The following ITGB4 variants were observed in gnomAD, a reference collection of about 807,000 sequenced individuals.
The protein encoded by ITGB4 is integrin beta-4.
In ITGB4, 159 loss-of-function variants were observed where a neutral mutation model predicts 207.6. The observed-to-expected ratio is 0.77, with a 90% CI of 0.67 to 0.87. ITGB4 has a LOEUF of 0.87. ITGB4 is among the 40% of genes least tolerant of loss of function. ITGB4 has a pLI of 0.00. For missense variants in ITGB4, 2,278 were observed against 2,546.8 expected, an observed-to-expected ratio of 0.89 and a Z score of 2.27; for synonymous variants, 1,020 against 1,062.7, an observed-to-expected ratio of 0.96 and a Z score of 0.78.
rs775621931 is a variant in ITGB4, at chr17:75,749,063, G to GA, written c.3316+18_3316+19insA. The GA allele has an allele frequency of 6.3e-7, 1 of 1,599,254 alleles. No individual in the cohort carries two copies. Among genetic ancestry groups the GA allele is most frequent in the South Asian group, 1.1e-5 (1 of 90,474 alleles). On this transcript the variant is annotated intron_variant, in intron 27 of 39. Coordinates refer to ENST00000200181, the MANE Select transcript of ITGB4 (RefSeq NM_000213.5). The stretch of plus-strand genomic sequence containing the variant: ...GGACCCAGGTAGGCAGAGCCTGGGG[G>GA]TCGGCTTAAGCAGGAGGAGAGGGAA...
intron 1 of ITGB4, among the ~76,000 whole-genome samples, chr17:75,724,120 C>T (rs1284778569): frequency 6.6e-6 from 1 of 152,226 alleles, no homozygotes. Flanking sequence ...AGACCCCACC[C>T]TGATGGGCCG....
chr17:75,750,827 A>G lies in ITGB4; in HGVS notation c.3622A>G (p.Ser1208Gly). 6.2e-7 allele frequency: 1 copy of G among 1,613,382 alleles called. No homozygotes were observed. Among genetic ancestry groups the G allele is most frequent in the Non-Finnish European group, 8.5e-7 (1 of 1,180,010 alleles). Reference sequence around the variant, plus strand: ...CGGGGCTCAGGGCGAGGGACCCTACAGCTCCCTGGTGTCCTGCCGCACCCA... The same window carrying G: ...CGGGGCTCAGGGCGAGGGACCCTACGGCTCCCTGGTGTCCTGCCGCACCCA... ...AYGAQGEGPY[S>G]SLVSCRTHQE... Residue 1208 changes from serine (S) to glycine (G), a missense_variant, in exon 29 of 40, where the codon AGC becomes GGC. Transcript: ENST00000200181. This position sits in a 1 kb window ranked among gnomAD's most constrained non-coding sequence, Gnocchi z 5.5.
chr17:75,733,728 G>A (rs757569058), intron 13 of ITGB4, 36 bp downstream of exon 13: 1 of 1,597,438 alleles, frequency 6.3e-7, no homozygotes, highest in Non-Finnish European at 8.6e-7. Context: ...CTGATGGCGG[G>A]GTAGGGAGTG....
chr17:75,755,181 C>T (rs2061467786), intron 34 of ITGB4: 1 of 1,606,890 alleles, frequency 6.2e-7, no homozygotes, highest in Non-Finnish European at 8.5e-7. Flanking sequence ...ATAATCCTGG[C>T]TGGGAGGCCA....
Position 75,752,515 on chromosome 17 carries a change from AC to A in ITGB4, c.4047del (p.Tyr1349Ter). 1 of 1,613,712 alleles carries A rather than the reference AC, an allele frequency of 6.2e-7. No homozygotes were observed. The highest frequency in any genetic ancestry group is 1.1e-5 in the South Asian group (1 of 91,088). ...SGEDYDSFLM[Y>X]SDDVLRSPSG... ...GAGGACTACGACAGCTTCCTTATGT[AC>A]AGCGATGACGTTCTACGCTCTCCAT... On this transcript the variant is annotated frameshift_variant, in exon 32 of 40. Coordinates refer to ENST00000200181, the MANE Select transcript of ITGB4 (RefSeq NM_000213.5). LOFTEE classifies it high-confidence loss of function.
At position 75,757,401 on chromosome 17, in the gene ITGB4, C is replaced by T. The variant is rs1388714177; in HGVS notation, c.5330-15C>T. 1 of 1,613,080 alleles carries T rather than the reference C, an allele frequency of 6.2e-7. No homozygotes were observed. Among genetic ancestry groups the T allele is most frequent in the Non-Finnish European group, 8.5e-7 (1 of 1,179,962 alleles). ...AGACCCCAAGCCAGGTCATCTAATG[C>T]CTCCTCCTCCACAGATGGGCTGACC... is the stretch of plus-strand genomic sequence containing the variant. On this transcript the variant is annotated splice_polypyrimidine_tract_variant and intron_variant, in intron 39 of 39. Transcript: ENST00000200181.
Position 75,750,158 on chromosome 17 carries a change from C to T in ITGB4, c.3364C>T (p.Pro1122Ser), listed in dbSNP as rs752089116. The change falls in exon 28 of 40, where the codon CCC becomes TCC. Residue 1122 changes from proline to serine, a missense_variant. By Grantham distance (74) the Pro-to-Ser change is moderately conservative (BLOSUM62 -1). Coordinates refer to ENST00000200181, the MANE Select transcript of ITGB4 (RefSeq NM_000213.5). The surrounding 1 kb of genome is among the most constrained non-coding windows in gnomAD (Gnocchi z 5.5). ...GAGTCAGATGTTGTCATCACAGCCA[C>T]CCCCTCACGGCGACCTGGGCGCCCC... ...FTSQMLSSQP[P>S]PHGDLGAPQN... 30 of 1,613,714 alleles carry T rather than the reference C, an allele frequency of 1.9e-5. No individual in the cohort carries two copies. The highest frequency in any genetic ancestry group is 2.5e-5 in the Non-Finnish European group (29 of 1,180,014).
chr17:75,741,158 G>A (rs2061101530), intron 23 of ITGB4, 153 bp downstream of exon 23: 1 of 864,220 alleles, frequency 1.2e-6, no homozygotes. Context: ...TCGTTCCTTT[G>A]ACCATTTCTT....
intron 37 of ITGB4, 42 bp downstream of exon 37, chr17:75,756,901 A>G: frequency 1.2e-6 from 2 of 1,612,070 alleles, no homozygotes. Context: ...GGGGAGGGGT[A>G]AAGAGGGGGC....
rs1267467607 is a variant in ITGB4 at position 75,757,783 on chromosome 17, T to C, written c.*228T>C. 1 of 681,354 alleles carries C rather than the reference T, an allele frequency of 1.5e-6. No individual in the cohort carries two copies. Among genetic ancestry groups the C allele is most frequent in the African/African-American group, 1.8e-5 (1 of 55,982 alleles). The allele number at this position is 681,354 out of a possible 1,614,324, so 42.2% of individuals were successfully genotyped here. ...TGGGAGCAGCACAAGGACCCAGCCT[T>C]TGTTCTGCACTTAATAAATGGTTTT... On this transcript the variant is annotated 3_prime_UTR_variant, in exon 40 of 40. Coordinates refer to ENST00000200181, the MANE Select transcript of ITGB4 (RefSeq NM_000213.5).
chr17:75,728,317 C>A, intron 5 of ITGB4, 60 bp from the exon 6 acceptor site: 1 of 1,436,636 alleles, frequency 7.0e-7, no homozygotes, highest in Non-Finnish European at 9.8e-7. Context: ...TGGTGGGGGG[C>A]CCGTGTTTAT....
chr17:75,722,656 CG>C lies in ITGB4; in HGVS notation c.-11+1047del, dbSNP rs1397684445. Among the ~76,000 whole-genome samples the C allele has an allele frequency of 1.3e-5, 2 of 151,714 alleles. No individual in the cohort carries two copies. The highest frequency in any genetic ancestry group is 4.8e-5 in the African/African-American group (2 of 41,270). On this transcript the variant is annotated intron_variant, in intron 1 of 39. Transcript: ENST00000200181. This position sits in a 1 kb window ranked among gnomAD's most constrained non-coding sequence, Gnocchi z 6.2. ...TCCCTGAGGGGAGGAGATGTGACAG[CG>C]GGAGAGGATAGTGGACAGGAGCAGG...
At chr17:75,724,102 G>A (rs748883372) in intron 1 of ITGB4, among the ~76,000 whole-genome samples, 3 of 152,236 alleles carry the variant, frequency 2.0e-5, no homozygotes, top group Non-Finnish European at 4.4e-5. Flanking sequence ...GGGGAGGGCA[G>A]ATGATTCAGA....
rs1309120436 is a variant in ITGB4 at position 75,754,947 on chromosome 17, C to T, written c.4558+132C>T. ...ACACACACGCATGCACACATGCACG[C>T]ACACACGTGCACACGCATGCACACA... On this transcript the variant is annotated intron_variant, in intron 34 of 39. Coordinates refer to ENST00000200181, the MANE Select transcript of ITGB4 (RefSeq NM_000213.5). The T allele has an allele frequency of 2.9e-6, 4 of 1,385,564 alleles. No individual in the cohort carries two copies. In the Admixed American group the frequency reaches 8.3e-5, roughly 29 times the overall value. The allele number at this position is 1,385,564 out of a possible 1,614,324, so 85.8% of individuals were successfully genotyped here. A position where few individuals can be genotyped will look rare whatever the true frequency, so the allele number is the denominator to read the frequency against.
chr17:75,742,377 G>A lies in ITGB4; in HGVS notation c.2670G>A (p.Ala890=), dbSNP rs146449374. 9.6e-5 allele frequency: 155 copies of A among 1,613,260 alleles called. No homozygotes were observed. Among genetic ancestry groups the A allele is most frequent in the Non-Finnish European group, 1.2e-4 (147 of 1,180,032 alleles). ...CCATTGTGGACACAGTGCTGATGGC[G>A]CCCCGCTCGGCCAAGCCGGCCCTGC... The part of the protein sequence containing the change: ...DHTIVDTVLM[A]PRSAKPALLK... Residue 890 remains alanine (A), a synonymous_variant, in exon 24 of 40, where the codon GCG becomes GCA. Transcript: ENST00000200181. The surrounding 1 kb of genome is among the most constrained non-coding windows in gnomAD (Gnocchi z 5.9).
chr17:75,757,160 T>G, intron 38 of ITGB4, 40 bp from the exon 39 acceptor site: 1 of 1,612,090 alleles, frequency 6.2e-7, no homozygotes, highest in East Asian at 2.2e-5. Context: ...CGTGCCTCCT[T>G]CTGGCACCAC....
Position 75,757,094 on chromosome 17 carries a change from G to GTACC in ITGB4, c.5206_5207insACCT (p.Ser1736TyrfsTer78), listed in dbSNP as rs767191560. On this transcript the variant is annotated frameshift_variant, in exon 38 of 40. Coordinates refer to ENST00000200181, the MANE Select transcript of ITGB4 (RefSeq NM_000213.5). LOFTEE classifies it high-confidence loss of function. Reference sequence around the variant, plus strand: ...AGCGCGAGGGCATCATCACCATAGAGTCCCAGGATGGAGGTAGGCACCTGT... The same window carrying GTACC: ...AGCGCGAGGGCATCATCACCATAGAGTACCTCCCAGGATGGAGGTAGGCACCTGT... The GTACC allele has an allele frequency of 6.2e-7, 1 of 1,612,932 alleles. No homozygotes were observed. The highest frequency in any genetic ancestry group is 8.5e-7 in the Non-Finnish European group (1 of 1,179,942).
chr17:75,748,475 G>T (rs1237090857), intron 26 of ITGB4, among the ~76,000 whole-genome samples: 1 of 151,978 alleles, frequency 6.6e-6, no homozygotes, highest in African/African-American at 2.4e-5. Flanking sequence ...TTCGAGACCA[G>T]CCTGGCCAAC....
intron 26 of ITGB4, among the ~76,000 whole-genome samples, chr17:75,744,415 C>T (rs114412332): frequency 0.075 from 11,422 of 152,032 alleles, 901 homozygotes; most frequent in East Asian, 0.32. Flanking sequence ...CCACCGCGCC[C>T]GGCCCAAGAG....
Sources: gnomAD v4.1 joint callset for allele counts (sites outside exome capture counted in the v4.1 genomes callset) on GRCh38, gnomAD v4.1.1 for gene constraint, Gnocchi (gnomAD v3.1) non-coding constraint, MANE v1.5 for transcripts, NCBI Gene and HGNC (gene_info 2026-07-23, HGNC 2026-07-21) for gene names.